Variants in CUL7 observed in about 807,000 individuals in gnomAD.
The protein encoded by CUL7 is cullin-7.
CUL7 carries 96 observed loss-of-function variants against 177.7 expected under a neutral mutation model. The observed-to-expected ratio is 0.54, with a 90% confidence interval of 0.46 to 0.64. The LOEUF is 0.64. Ranked by LOEUF, CUL7 falls within the 30% of genes least tolerant of loss-of-function variation. The pLI, the probability that CUL7 is intolerant of heterozygous loss-of-function variation, is 0.00. For missense variants in CUL7, 1,893 were observed against 2,187.9 expected, an observed-to-expected ratio of 0.87 and a Z score of 2.69; for synonymous variants, 824 against 890.2, an observed-to-expected ratio of 0.93 and a Z score of 1.32.
intron 19 of CUL7, among the ~76,000 whole-genome samples, chr6:43,042,596 C>A (rs767920832): frequency 1.4e-4 from 21 of 152,372 alleles, no homozygotes; most frequent in Middle Eastern, 3.4e-3. Flanking sequence ...CTGCCTCGGC[C>A]TCCCAAAGTG....
intron 12 of CUL7, 56 bp downstream of exon 12, chr6:43,046,180 A>C (rs770699629): frequency 8.7e-6 from 14 of 1,613,472 alleles, no homozygotes; most frequent in Non-Finnish European, 1.2e-5. Context: ...AAACAAACAC[A>C]GGGGCGTCAC....
rs753769078 is a variant in CUL7 at position 43,045,691 on chromosome 6, G to C, written c.2767-9C>G. 7 of 1,614,010 alleles carry C rather than the reference G, an allele frequency of 4.3e-6. No individual in the cohort carries two copies. In the East Asian group the frequency reaches 1.3e-4, roughly 31 times the overall value. ...GAGGGCATCACATTCACCTGGCAGG[G>C]GGCAGAGAAAGCTGTCACCTCCACA... On this transcript the variant is annotated splice_polypyrimidine_tract_variant and intron_variant, in intron 13 of 25. Coordinates refer to ENST00000265348, the MANE Select transcript of CUL7 (RefSeq NM_014780.5). The surrounding 1 kb of genome is among the most constrained non-coding windows in gnomAD (Gnocchi z 4.8).
chr6:43,050,936 C>G lies in CUL7; in HGVS notation c.1233+32G>C. The G allele has an allele frequency of 1.2e-6, 2 of 1,612,562 alleles. No homozygotes were observed. The highest frequency in any genetic ancestry group is 1.7e-6 in the Non-Finnish European group (2 of 1,179,874). On this transcript the variant is annotated intron_variant, in intron 4 of 25. Coordinates refer to ENST00000265348, the MANE Select transcript of CUL7 (RefSeq NM_014780.5). The surrounding 1 kb of genome is among the most constrained non-coding windows in gnomAD (Gnocchi z 4.1). ...GCTCTGCCCTACCCCAAATAGACCC[C>G]CAACAGTATCCCACCACCATGTGCC...
Position 43,049,485 on chromosome 6 carries a change from G to A in CUL7, c.1747C>T (p.Leu583=). 6.2e-7 allele frequency: 1 copy of A among 1,614,244 alleles called. No homozygotes were observed. The change falls in exon 7 of 26, where the codon CTA becomes TTA. Residue 583 remains leucine, a synonymous_variant. Transcript: ENST00000265348. The part of the protein sequence containing the change: ...LAGNQAYPSL[L]EAQEDVLLLD... Reference sequence around the variant, plus strand: ...AGGAGGACATCTTCTTGGGCTTCTAGAAGGGATGGGTAGGCTTGGTTCCCT... The same window carrying A: ...AGGAGGACATCTTCTTGGGCTTCTAAAAGGGATGGGTAGGCTTGGTTCCCT...
Position 43,045,523 on chromosome 6 carries a change from A to G in CUL7, c.2862+64T>C. On this transcript the variant is annotated intron_variant, in intron 14 of 25. Transcript: ENST00000265348. The surrounding 1 kb of genome is among the most constrained non-coding windows in gnomAD (Gnocchi z 4.8). ...ACCCAGGCTGGTCCTCTGGCTTAAG[A>G]TCTGCCTGTTTATGGGGCTCAGAGC... 4 of 1,613,508 alleles carry G rather than the reference A, an allele frequency of 2.5e-6. No individual in the cohort carries two copies. The highest frequency in any genetic ancestry group is 3.4e-6 in the Non-Finnish European group (4 of 1,179,524).
rs563733977 is a variant in CUL7 at position 43,051,410 on chromosome 6, A to C, written c.791T>G (p.Leu264Arg). The change falls in exon 4 of 26, where the codon CTG (leucine) becomes CGG (arginine). Residue 264 changes from leucine (L) to arginine (R), a missense_variant. This residue lies in a region of CUL7 where 653 missense variants were observed against 725.2 expected (regional missense o/e 0.90). Coordinates refer to ENST00000265348, the MANE Select transcript of CUL7 (RefSeq NM_014780.5). The surrounding 1 kb of genome is among the most constrained non-coding windows in gnomAD (Gnocchi z 5.0). Reference sequence around the variant, plus strand: ...CGCAGCACTGTCGTTCAGCTGATCCAGGAGCGAGGTGACATGCAAATACCG... The same window carrying C: ...CGCAGCACTGTCGTTCAGCTGATCCCGGAGCGAGGTGACATGCAAATACCG... ...VKRYLHVTSL[L>R]DQLNDSAAEP... 8.0e-5 allele frequency: 129 copies of C among 1,614,144 alleles called. 1 individual carries two copies. The South Asian group carries it at 1.2e-3, about 15-fold the overall frequency.
At chr6:43,039,846 C>G (rs931614604) in intron 22 of CUL7, among the ~76,000 whole-genome samples, 60 of 140,784 alleles carry the variant, frequency 4.3e-4, no homozygotes, top group African/African-American at 1.5e-3. Context: ...TGAAGTGATT[C>G]TCCTGCCTCA....
rs1207959306 is a variant in CUL7, at chr6:43,048,521, A to G, written c.1874T>C (p.Val625Ala). The G allele has an allele frequency of 1.2e-6, 2 of 1,613,986 alleles. No individual in the cohort carries two copies. The highest frequency in any genetic ancestry group is 4.5e-5 in the East Asian group (2 of 44,878). Residue 625 changes from valine to alanine, a missense_variant, in exon 8 of 26, where the codon GTG becomes GCG. Val to Ala is a moderately conservative substitution (Grantham distance 64, BLOSUM62 0). This residue lies in a region of CUL7 where 973 missense variants were observed against 1,140.9 expected (regional missense o/e 0.85). Transcript: ENST00000265348. ...TTTCCCAGCTGGACCATAACCCTCCACCAGACGCTGCAGGGGAGTGTTGGG... is the reference window on the plus strand; with the variant it reads ...TTTCCCAGCTGGACCATAACCCTCCGCCAGACGCTGCAGGGGAGTGTTGGG... The part of the protein sequence containing the change: ...QSPNTPLQRL[V>A]EGYGPAGKIL...
At position 43,037,907 on chromosome 6, in the gene CUL7, T is replaced by A; in HGVS notation, c.4878A>T (p.Leu1626=). 1 of 1,612,556 alleles carries A rather than the reference T, an allele frequency of 6.2e-7. No individual in the cohort carries two copies. Among genetic ancestry groups the A allele is most frequent in the Non-Finnish European group, 8.5e-7 (1 of 1,178,908 alleles). The part of the protein sequence containing the change: ...CSSTDVLSCI[L]HLLGKGTLRR... ...TCAGCGTGCCCTTGCCCAGGAGGTG[T>A]AGGATGCAGGAGAGGACGTCAGTGC... is the stretch of plus-strand genomic sequence containing the variant. Residue 1626 remains leucine, a synonymous_variant, in exon 26 of 26, where the codon CTA becomes CTT. Transcript: ENST00000265348.
At position 43,049,525 on chromosome 6, in the gene CUL7, C is replaced by T; in HGVS notation, c.1707G>A (p.Gly569=). Residue 569 remains glycine, a synonymous_variant, in exon 7 of 26, where the codon GGG becomes GGA. Transcript: ENST00000265348. ...CTTGGTTCCCTGCTAGGGCTTCAGG[C>T]CCATACTTCTTGTAGACATGGCAGT... is the stretch of plus-strand genomic sequence containing the variant. ...LINCHVYKKY[G]PEALAGNQAY... The T allele has an allele frequency of 2.5e-6, 4 of 1,614,198 alleles. No homozygotes were observed. Among genetic ancestry groups the T allele is most frequent in the Non-Finnish European group, 3.4e-6 (4 of 1,180,034 alleles).
In CUL7 at chr6:43,050,107, A is replaced by G; in HGVS notation, c.1425T>C (p.Tyr475=). 1.2e-6 allele frequency: 2 copies of G among 1,614,236 alleles called. No individual in the cohort carries two copies. The highest frequency in any genetic ancestry group is 1.7e-6 in the Non-Finnish European group (2 of 1,180,036). Residue 475 remains tyrosine (Y), a synonymous_variant, in exon 6 of 26, where the codon TAT becomes TAC. Coordinates refer to ENST00000265348, the MANE Select transcript of CUL7 (RefSeq NM_014780.5). The surrounding 1 kb of genome is among the most constrained non-coding windows in gnomAD (Gnocchi z 4.1). The stretch of plus-strand genomic sequence containing the variant: ...CAGTGTCCTCATCCTCAGGCAGCAC[A>G]TAAGGCACAGCATAGAGTTCTGTCA... ...RPMTELYAVP[Y]VLPEDEDTEE...
chr6:43,047,813 T>C, intron 9 of CUL7: 1 of 322,506 alleles, frequency 3.1e-6, no homozygotes. Flanking sequence ...ATCACACATT[T>C]GGGTTTGCTT....
At position 43,052,198 on chromosome 6, in the gene CUL7, C is replaced by G. The variant is rs1297943551; in HGVS notation, c.580+11G>C. ...CTCCTGCTTTCCCTTCCTCCCCACA[C>G]TGCCCCTCACCAGCGTCATGGGAGG... is the stretch of plus-strand genomic sequence containing the variant. On this transcript the variant is annotated intron_variant, in intron 2 of 25. Coordinates refer to ENST00000265348, the MANE Select transcript of CUL7 (RefSeq NM_014780.5). The surrounding 1 kb of genome is among the most constrained non-coding windows in gnomAD (Gnocchi z 4.5). 6.2e-7 allele frequency: 1 copy of G among 1,614,062 alleles called. No individual in the cohort carries two copies. The highest frequency in any genetic ancestry group is 8.5e-7 in the Non-Finnish European group (1 of 1,180,032).
intron 10 of CUL7, 44 bp downstream of exon 10, chr6:43,046,836 A>G: frequency 7.5e-7 from 1 of 1,331,068 alleles, no homozygotes. Flanking sequence ...TGGGTTTCAT[A>G]TTCTGATGCC....
Position 43,051,379 on chromosome 6 carries a change from T to C in CUL7, c.822A>G (p.Pro274=). 6.2e-7 allele frequency: 1 copy of C among 1,614,082 alleles called. No homozygotes were observed. The highest frequency in any genetic ancestry group is 8.5e-7 in the Non-Finnish European group (1 of 1,179,960). ...CAGGAGCAGAGGTGTTCTGGGCTCC[T>C]GGCTCCGCAGCACTGTCGTTCAGCT... The part of the protein sequence containing the change: ...LDQLNDSAAE[P]GAQNTSAPEE... Residue 274 remains proline (P), a synonymous_variant, in exon 4 of 26, where the codon CCA becomes CCG. Transcript: ENST00000265348. The surrounding 1 kb of genome is among the most constrained non-coding windows in gnomAD (Gnocchi z 5.0).
At position 43,052,435 on chromosome 6, in the gene CUL7, A is replaced by C. The variant is rs1358520389; in HGVS notation, c.354T>G (p.Ile118Met). ...EEMETDVKSL[I>M]QRALRQLEEC... ...CCTCCAGCTGCCGAAGGGCTCTCTG[A>C]ATGAGGGACTTCACGTCGGTTTCCA... The change falls in exon 2 of 26, where the codon ATT becomes ATG. Residue 118 changes from isoleucine to methionine, a missense_variant. By Grantham distance (10) the Ile-to-Met change is conservative. Around this residue, in one of 5 missense-constraint regions of CUL7, gnomAD observed 653 missense variants for 725.2 expected, o/e 0.90. Transcript: ENST00000265348. This position sits in a 1 kb window ranked among gnomAD's most constrained non-coding sequence, Gnocchi z 4.5. 1 of 1,614,072 alleles carries C rather than the reference A, an allele frequency of 6.2e-7. No homozygotes were observed. Among genetic ancestry groups the C allele is most frequent in the African/African-American group, 1.3e-5 (1 of 75,050 alleles).
In CUL7 at chr6:43,051,572, T is replaced by G; in HGVS notation, c.732+40A>C. The stretch of plus-strand genomic sequence containing the variant: ...GTGCAAAGGCCTGGACCCTAGATCT[T>G]GTTCACAAGTTCCCCCCACCTTACA... On this transcript the variant is annotated intron_variant, in intron 3 of 25. Transcript: ENST00000265348. This position sits in a 1 kb window ranked among gnomAD's most constrained non-coding sequence, Gnocchi z 5.0. 1.2e-6 allele frequency: 2 copies of G among 1,614,132 alleles called. No individual in the cohort carries two copies. Among genetic ancestry groups the G allele is most frequent in the Non-Finnish European group, 1.7e-6 (2 of 1,180,028 alleles).
chr6:43,040,241 T>C lies in CUL7; in HGVS notation c.4209A>G (p.Ser1403=). 2 of 1,614,152 alleles carry C rather than the reference T, an allele frequency of 1.2e-6. No individual in the cohort carries two copies. Among genetic ancestry groups the C allele is most frequent in the Non-Finnish European group, 1.7e-6 (2 of 1,180,038 alleles). Residue 1403 remains serine, a synonymous_variant, in exon 22 of 26, where the codon TCA becomes TCG. Transcript: ENST00000265348. This position sits in a 1 kb window ranked among gnomAD's most constrained non-coding sequence, Gnocchi z 4.2. ...VLSRHSWPVA[S]ICHTLNPRTC... The stretch of plus-strand genomic sequence containing the variant: ...TTCTGGGGTTCAGTGTGTGGCAGAT[T>C]GAGGCAACAGGCCAGGAGTGTCGGG...
In CUL7 at chr6:43,045,703, C is replaced by G; in HGVS notation, c.2767-21G>C. ...TTCACCTGGCAGGGGGCAGAGAAAG[C>G]TGTCACCTCCACACATGCAGAGCCA... On this transcript the variant is annotated intron_variant, in intron 13 of 25. Transcript: ENST00000265348. This position sits in a 1 kb window ranked among gnomAD's most constrained non-coding sequence, Gnocchi z 4.8. 1 of 1,613,300 alleles carries G rather than the reference C, an allele frequency of 6.2e-7. No homozygotes were observed. The highest frequency in any genetic ancestry group is 1.1e-5 in the South Asian group (1 of 91,060).
Sources: gnomAD v4.1 joint callset for allele counts (sites outside exome capture counted in the v4.1 genomes callset) on GRCh38, gnomAD v4.1.1 for gene constraint, gnomAD v4.1.1 regional missense constraint, Gnocchi (gnomAD v3.1) non-coding constraint, MANE v1.5 for transcripts, NCBI Gene and HGNC (gene_info 2026-07-23, HGNC 2026-07-21) for gene names.